Variants in KCND3 observed in about 807,000 individuals in gnomAD.
The protein encoded by KCND3 is A-type voltage-gated potassium channel KCND3.
KCND3 carries 9 observed loss-of-function variants against 51.1 expected under a neutral mutation model. The observed-to-expected ratio is 0.18, with a 90% confidence interval of 0.11 to 0.31. KCND3 has a LOEUF of 0.31. Ranked by LOEUF, KCND3 falls within the 10% of genes least tolerant of loss-of-function variation. KCND3 has a pLI of 1.00. For missense variants in KCND3, 526 were observed against 903.8 expected (o/e 0.58, Z 5.36); for synonymous variants, 349 against 368.0 (o/e 0.95, Z 0.59).
intron 2 of KCND3, among the ~76,000 whole-genome samples, chr1:111,962,621 C>T (rs911728678): frequency 3.3e-5 from 5 of 152,190 alleles, no homozygotes; most frequent in East Asian, 1.9e-4. Flanking sequence ...TTTGATCAGG[C>T]GAAAGCCTAT....
At chr1:111,793,679 C>A (rs564098458) in intron 2 of KCND3, among the ~76,000 whole-genome samples, 1 of 152,222 alleles carries the variant, frequency 6.6e-6, no homozygotes, top group Non-Finnish European at 1.5e-5. Context: ...GCCCTTTATC[C>A]CATGGTCCCT....
chr1:111,797,342 A>G (rs1322991674), intron 2 of KCND3, among the ~76,000 whole-genome samples: 2 of 152,110 alleles, frequency 1.3e-5, no homozygotes, highest in African/African-American at 4.8e-5. Context: ...CGGGTGGGAG[A>G]TCCTGCCTGT....
chr1:111,817,630 C>A (rs1378045831), intron 2 of KCND3, among the ~76,000 whole-genome samples: 4 of 152,294 alleles, frequency 2.6e-5, no homozygotes, highest in Admixed American at 6.5e-5. Context: ...TCCTAGCACC[C>A]TACCCATCTT....
At chr1:111,896,950 G>A (rs1314702249) in intron 2 of KCND3, among the ~76,000 whole-genome samples, 1 of 152,232 alleles carries the variant, frequency 6.6e-6, no homozygotes, top group African/African-American at 2.4e-5. Flanking sequence ...GCACATAGGA[G>A]GGGCTTAGTC....
At chr1:111,801,808 C>T (rs191048913) in intron 2 of KCND3, among the ~76,000 whole-genome samples, 3 of 152,322 alleles carry the variant, frequency 2.0e-5, no homozygotes, top group Non-Finnish European at 4.4e-5. Context: ...CCTCATCCTC[C>T]GAGAACCAGA....
chr1:111,957,603 A>T (rs1673403227), intron 2 of KCND3, among the ~76,000 whole-genome samples: 1 of 151,632 alleles, frequency 6.6e-6, no homozygotes. Context: ...CCAGGAAGAG[A>T]GCATGGAAGA....
chr1:111,896,339 A>G (rs1009827782), intron 2 of KCND3, among the ~76,000 whole-genome samples: 1 of 152,204 alleles, frequency 6.6e-6, no homozygotes, highest in Non-Finnish European at 1.5e-5. Context: ...CACCCAGAAG[A>G]TCTCAGCTCG....
At chr1:111,930,919 G>A (rs1198575368) in intron 2 of KCND3, among the ~76,000 whole-genome samples, 1 of 152,212 alleles carries the variant, frequency 6.6e-6, no homozygotes. Context: ...GATGCTACAA[G>A]GTCATTCTGT....
intron 2 of KCND3, among the ~76,000 whole-genome samples, chr1:111,905,582 C>T (rs533566997): frequency 4.7e-4 from 72 of 152,252 alleles, no homozygotes; most frequent in Admixed American, 1.2e-3. Context: ...TTGTGGGTCT[C>T]GCTCTGACCT....
intron 2 of KCND3, among the ~76,000 whole-genome samples, chr1:111,831,682 T>C (rs1666839299): frequency 6.6e-6 from 1 of 152,206 alleles, no homozygotes. Flanking sequence ...AACTGCCCAA[T>C]TTAAATGTTC....
At chr1:111,961,773 A>G (rs1195120338) in intron 2 of KCND3, among the ~76,000 whole-genome samples, 1 of 152,188 alleles carries the variant, frequency 6.6e-6, no homozygotes, top group Non-Finnish European at 1.5e-5. Flanking sequence ...TCTGGGTTCC[A>G]GTGATGTGAC....
intron 2 of KCND3, among the ~76,000 whole-genome samples, chr1:111,880,399 A>G (rs1388979844): frequency 1.3e-5 from 2 of 152,172 alleles, no homozygotes; most frequent in Admixed American, 6.5e-5. Flanking sequence ...TGGAGAGTTT[A>G]GCCAGCCAGG....
chr1:111,794,402 A>G (rs10857905), intron 2 of KCND3, among the ~76,000 whole-genome samples: 26,051 of 152,158 alleles, frequency 0.17, 2,400 homozygotes, highest in Admixed American at 0.22. Flanking sequence ...TCTTTACTGG[A>G]GACCAGGGCA....
chr1:111,878,705 C>G (rs148061426), intron 2 of KCND3, among the ~76,000 whole-genome samples: 1 of 152,332 alleles, frequency 6.6e-6, no homozygotes, highest in African/African-American at 2.4e-5. Context: ...ACTCCTGCCC[C>G]CTGGAACAGC....
intron 3 of KCND3, among the ~76,000 whole-genome samples, chr1:111,783,751 A>G (rs760671777): frequency 2.6e-5 from 4 of 152,182 alleles, no homozygotes; most frequent in Admixed American, 2.0e-4. Context: ...AATAGTCCAA[A>G]ACTGAAATCA....
At position 111,801,753 on chromosome 1, in the gene KCND3, T is replaced by C. The variant is rs1042721817; in HGVS notation, c.1107-14647A>G. 6.6e-5 allele frequency among the ~76,000 whole-genome samples: 10 copies of C among 152,248 alleles called. 1 individual carries two copies. Among genetic ancestry groups the C allele is most frequent in the Admixed American group, 6.5e-4 (10 of 15,286 alleles). ...ATCTGATCTGGCATTCCCCACGCTG[T>C]GCTGCCCTCCATCTTGGGCATCCTC... is the stretch of plus-strand genomic sequence containing the variant. On this transcript the variant is annotated intron_variant, in intron 2 of 7. Coordinates refer to ENST00000302127, the MANE Select transcript of KCND3 (RefSeq NM_001378969.1).
chr1:111,807,339 C>A (rs1399606825), intron 2 of KCND3, among the ~76,000 whole-genome samples: 1 of 152,174 alleles, frequency 6.6e-6, no homozygotes, highest in Non-Finnish European at 1.5e-5. Flanking sequence ...TTGAGATACA[C>A]AAATACTTAC....
chr1:111,803,717 T>C (rs1160654487), intron 2 of KCND3, among the ~76,000 whole-genome samples: 2 of 152,190 alleles, frequency 1.3e-5, no homozygotes, highest in African/African-American at 4.8e-5. Context: ...AGAAATAGGA[T>C]GTGCAGTGTG....
chr1:111,933,412 C>T (rs538429517), intron 2 of KCND3, among the ~76,000 whole-genome samples: 2 of 152,300 alleles, frequency 1.3e-5, no homozygotes, highest in East Asian at 3.9e-4. Flanking sequence ...TGAGTGTTAG[C>T]TTATAAAGGA....
Sources: allele counts gnomAD v4.1 joint callset (sites outside exome capture counted in the v4.1 genomes callset), GRCh38; gene constraint gnomAD v4.1.1; transcripts MANE v1.5; gene names NCBI Gene and HGNC (gene_info 2026-07-23, HGNC 2026-07-21).